The following KCND2 variants were observed in gnomAD, a reference collection of about 807,000 sequenced individuals.
KCND2 encodes potassium voltage-gated channel subfamily D member 2.
Under a neutral mutation model 54.4 loss-of-function variants are expected in KCND2, and 16 were observed. The observed-to-expected ratio is 0.29, with a 90% CI of 0.20 to 0.45. The LOEUF is 0.45. Among genes scored for constraint, KCND2 ranks in the 20% least tolerant of loss-of-function variants. KCND2 has a pLI of 1.00. For synonymous variants in KCND2, 317 were observed against 310.7 expected, an observed-to-expected ratio of 1.02 and a Z score of -0.21; for missense variants, 486 against 824.2, an observed-to-expected ratio of 0.59 and a Z score of 5.02.
At chr7:120,535,066 A>C (rs1362952250) in intron 1 of KCND2, among the ~76,000 whole-genome samples, 1 of 152,150 alleles carries the variant, frequency 6.6e-6, no homozygotes, top group Non-Finnish European at 1.5e-5. Context: ...AATAAGAGGG[A>C]AAGTGGATGA....
At chr7:120,714,971 G>A (rs564612946) in intron 1 of KCND2, among the ~76,000 whole-genome samples, 17 of 152,170 alleles carry the variant, frequency 1.1e-4, no homozygotes, top group African/African-American at 4.1e-4. Flanking sequence ...ATTAGTGATT[G>A]AGAATCAAGC....
At chr7:120,594,757 C>T (rs1792712820) in intron 1 of KCND2, among the ~76,000 whole-genome samples, 1 of 152,156 alleles carries the variant, frequency 6.6e-6, no homozygotes, top group African/African-American at 2.4e-5. Flanking sequence ...TACTGTGGCT[C>T]ACGTCTGTAA....
At chr7:120,346,434 T>C (rs1800316995) in intron 1 of KCND2, among the ~76,000 whole-genome samples, 1 of 152,198 alleles carries the variant, frequency 6.6e-6, no homozygotes, top group South Asian at 2.1e-4. Context: ...CTAATTATAT[T>C]CATTTCTATT....
chr7:120,552,685 G>T (rs1792117452), intron 1 of KCND2, among the ~76,000 whole-genome samples: 1 of 152,142 alleles, frequency 6.6e-6, no homozygotes. Context: ...CTTCCCCTCT[G>T]AGTGTAGGGA....
intron 1 of KCND2, among the ~76,000 whole-genome samples, chr7:120,430,843 T>A (rs187440314): frequency 3.0e-4 from 45 of 152,342 alleles, no homozygotes; most frequent in African/African-American, 9.9e-4. Flanking sequence ...ACTATTCCAC[T>A]ATCCTTTTTC....
chr7:120,605,976 T>C (rs1792876839), intron 1 of KCND2, among the ~76,000 whole-genome samples: 1 of 152,134 alleles, frequency 6.6e-6, no homozygotes, highest in African/African-American at 2.4e-5. Context: ...ACGGGTTTTT[T>C]CTGTGCTGTT....
intron 1 of KCND2, among the ~76,000 whole-genome samples, chr7:120,626,859 A>G (rs751347974): frequency 4.6e-5 from 7 of 152,236 alleles, no homozygotes; most frequent in Non-Finnish European, 7.3e-5. Flanking sequence ...TTTGAAAAGC[A>G]TAATATGCTA....
intron 1 of KCND2, among the ~76,000 whole-genome samples, chr7:120,302,255 T>G (rs1799594387): frequency 6.6e-6 from 1 of 152,130 alleles, no homozygotes; most frequent in Non-Finnish European, 1.5e-5. Context: ...CTTTAAGATT[T>G]TTTGTTTGTT....
intron 1 of KCND2, among the ~76,000 whole-genome samples, chr7:120,576,927 G>T (rs1267384711): frequency 6.6e-6 from 1 of 152,064 alleles, no homozygotes; most frequent in Non-Finnish European, 1.5e-5. Context: ...CGGGCTGATT[G>T]CCTGAGCTCA....
chr7:120,687,778 A>G (rs1392609654), intron 1 of KCND2, among the ~76,000 whole-genome samples: 1 of 152,200 alleles, frequency 6.6e-6, no homozygotes, highest in Non-Finnish European at 1.5e-5. Flanking sequence ...CTAATAAACT[A>G]AAAGTGTTTA....
intron 1 of KCND2, among the ~76,000 whole-genome samples, chr7:120,678,953 A>G (rs1477680736): frequency 6.6e-6 from 1 of 151,462 alleles, no homozygotes; most frequent in Non-Finnish European, 1.5e-5. Flanking sequence ...TAAAATATTG[A>G]TATTGCTCTT....
chr7:120,658,790 A>G (rs1161922345), intron 1 of KCND2, among the ~76,000 whole-genome samples: 1 of 152,170 alleles, frequency 6.6e-6, no homozygotes, highest in Non-Finnish European at 1.5e-5. Flanking sequence ...TCAAAATACT[A>G]TGTTACATGT....
chr7:120,392,454 T>A (rs1801092978), intron 1 of KCND2, among the ~76,000 whole-genome samples: 1 of 151,328 alleles, frequency 6.6e-6, no homozygotes, highest in South Asian at 2.1e-4. Context: ...TTTTTTTAGT[T>A]CTGTGATGAA....
chr7:120,657,856 AAGAG>A (rs912674561), intron 1 of KCND2, among the ~76,000 whole-genome samples: 1 of 152,078 alleles, frequency 6.6e-6, no homozygotes, highest in Non-Finnish European at 1.5e-5. Context: ...TCAAAAAAAA[AAGAG>A]AGAGAGAAGA....
intron 1 of KCND2, among the ~76,000 whole-genome samples, chr7:120,629,272 G>A (rs1156750026): frequency 6.6e-6 from 1 of 152,210 alleles, no homozygotes; most frequent in African/African-American, 2.4e-5. Context: ...CGGATCACGA[G>A]GTCAGGAGAT....
At chr7:120,448,059 T>C (rs559056534) in intron 1 of KCND2, among the ~76,000 whole-genome samples, 4 of 152,330 alleles carry the variant, frequency 2.6e-5, no homozygotes, top group African/African-American at 9.6e-5. Context: ...GTTTAAGTTC[T>C]AGGGTACATG....
At chr7:120,379,409 T>A (rs1800883959) in intron 1 of KCND2, among the ~76,000 whole-genome samples, 1 of 152,078 alleles carries the variant, frequency 6.6e-6, no homozygotes, top group African/African-American at 2.4e-5. Flanking sequence ...TCATTTTAAA[T>A]TCCATAACCC....
intron 1 of KCND2, among the ~76,000 whole-genome samples, chr7:120,686,374 G>A (rs550672119): frequency 6.6e-6 from 1 of 152,080 alleles, no homozygotes; most frequent in African/African-American, 2.4e-5. Flanking sequence ...CCACCCCCAC[G>A]AACATATAAT....
At chr7:120,568,339 T>C (rs1380862480) in intron 1 of KCND2, among the ~76,000 whole-genome samples, 1 of 152,092 alleles carries the variant, frequency 6.6e-6, no homozygotes, top group Non-Finnish European at 1.5e-5. Context: ...CAGATTCCTA[T>C]TTATACTTAG....
Sources: allele counts gnomAD v4.1 joint callset (sites outside exome capture counted in the v4.1 genomes callset), GRCh38; gene constraint gnomAD v4.1.1; transcripts MANE v1.5; gene names NCBI Gene and HGNC (gene_info 2026-07-23, HGNC 2026-07-21).